SDCBP: variants seen among roughly 807,000 people sequenced by gnomAD.
SDCBP encodes the protein syntenin-1.
SDCBP carries 22 observed loss-of-function variants against 30.5 expected under a neutral mutation model. The ratio of observed to expected loss-of-function variants is 0.72; its 90% CI spans 0.52 to 1.03. SDCBP has a LOEUF of 1.03. SDCBP is among the 50% of genes least tolerant of loss of function. The pLI is 0.00. For synonymous variants in SDCBP, 103 were observed against 118.7 expected (o/e 0.87, Z 0.86); for missense variants, 304 against 369.9 (o/e 0.82, Z 1.46).
chr8:58,570,182 G>A (rs1427325908), intron 2 of SDCBP, among the ~76,000 whole-genome samples: 1 of 152,180 alleles, frequency 6.6e-6, no homozygotes, highest in Non-Finnish European at 1.5e-5. Context: ...TACTTCATAT[G>A]ATGTAGGCCA....
Position 58,575,958 on chromosome 8 carries a change from A to G in SDCBP, c.299A>G (p.Asp100Gly). Residue 100 changes from aspartate (D) to glycine (G), a missense_variant, in exon 5 of 9, where the codon GAT becomes GGT. Physicochemically the swap from Asp to Gly is moderately conservative, Grantham distance 94 (BLOSUM62 -1). Transcript: ENST00000260130. ...NYMVAPVTGNDVGIRRAEIKQ... is the reference protein window; with the variant it reads ...NYMVAPVTGNGVGIRRAEIKQ... ...ATGGTGGCTCCTGTAACTGGTAATG[A>G]TGTTGGAATTCGTAGAGCAGAAATT... 1 of 1,613,648 alleles carries G rather than the reference A, an allele frequency of 6.2e-7. No homozygotes were observed. The highest frequency in any genetic ancestry group is 8.5e-7 in the Non-Finnish European group (1 of 1,179,694).
Position 58,580,608 on chromosome 8 carries a change from G to C in SDCBP, c.842G>C (p.Arg281Pro), listed in dbSNP as rs568136446. The change falls in exon 8 of 9, where the codon CGG becomes CCG. Residue 281 changes from arginine (R) to proline (P), a missense_variant and splice_region_variant. Physicochemically the swap from Arg to Pro is moderately radical, Grantham distance 103 (BLOSUM62 -2). Transcript: ENST00000260130. ...TTTATCTTTGAACATATTATTAAGC[G>C]GTAAGTAAACAATTCCTCAACTTAA... ...PAFIFEHIIK[R>P]MAPSIMKSLM... The C allele has an allele frequency of 6.8e-7, 1 of 1,461,588 alleles. No homozygotes were observed. The highest frequency in any genetic ancestry group is 9.6e-7 in the Non-Finnish European group (1 of 1,041,872). The allele number at this position is 1,461,588 out of a possible 1,614,324, so 90.5% of individuals were successfully genotyped here. A position where few individuals can be genotyped will look rare whatever the true frequency, so the allele number is the denominator to read the frequency against.
At chr8:58,575,851 TCAAGGAGA>T (rs1563513699) in intron 4 of SDCBP, 41 bp from the exon 5 acceptor site, 1 of 1,463,514 alleles carries the variant, frequency 6.8e-7, no homozygotes, top group Non-Finnish European at 9.3e-7. Flanking sequence ...ATTGTTTTTT[TCAAGGAGA>T]GTGTTTCTAG....
chr8:58,562,373 G>A (rs926454764), intron 1 of SDCBP, among the ~76,000 whole-genome samples: 1 of 152,092 alleles, frequency 6.6e-6, no homozygotes, highest in Non-Finnish European at 1.5e-5. Context: ...AATTGATAGG[G>A]ATTTAGAATA....
intron 1 of SDCBP, among the ~76,000 whole-genome samples, chr8:58,557,227 G>A (rs1461027480): frequency 9.1e-5 from 11 of 120,906 alleles, no homozygotes; most frequent in Admixed American, 9.0e-5. Context: ...ATATATTCCA[G>A]GAAAATGATA....
intron 1 of SDCBP, chr8:58,561,789 A>G (rs1184520138): frequency 1.4e-6 from 1 of 691,184 alleles, no homozygotes; most frequent in East Asian, 2.7e-5. Flanking sequence ...ATATTATTGT[A>G]ATGGTGGTGA....
intron 2 of SDCBP, among the ~76,000 whole-genome samples, chr8:58,567,502 T>C (rs936321161): frequency 4.6e-5 from 7 of 152,228 alleles, no homozygotes; most frequent in African/African-American, 7.2e-5. Context: ...ATCTGGCTCA[T>C]TAATATCACC....
At chr8:58,572,594 T>C (rs28430654) in intron 4 of SDCBP, among the ~76,000 whole-genome samples, 1,611 of 152,238 alleles carry the variant, frequency 0.011, 28 homozygotes, top group African/African-American at 0.036. Context: ...TGATTCTGTT[T>C]CTGTTTCTTG....
In SDCBP at chr8:58,581,914, T is replaced by C; in HGVS notation, c.*174T>C. The C allele has an allele frequency of 1.7e-6, 1 of 586,244 alleles. No homozygotes were observed. The highest frequency in any genetic ancestry group is 2.1e-5 in the South Asian group (1 of 48,370). The allele number at this position is 586,244 out of a possible 1,614,324, so 36.3% of individuals were successfully genotyped here. A position where few individuals can be genotyped will look rare whatever the true frequency, so the allele number is the denominator to read the frequency against. On this transcript the variant is annotated 3_prime_UTR_variant, in exon 9 of 9. Coordinates refer to ENST00000260130, the MANE Select transcript of SDCBP (RefSeq NM_005625.4). ...CTTTCATCTGATACCTTGTTCAGAT[T>C]TCAAAATAGTTGTAGCCTTATCCTG...
At chr8:58,574,299 A>G (rs1248140766) in intron 4 of SDCBP, among the ~76,000 whole-genome samples, 2 of 152,222 alleles carry the variant, frequency 1.3e-5, no homozygotes, top group African/African-American at 4.8e-5. Context: ...CACTACCAAC[A>G]ATTCATACAT....
chr8:58,557,357 T>TA (rs889433669), intron 1 of SDCBP, among the ~76,000 whole-genome samples: 5 of 137,598 alleles, frequency 3.6e-5, no homozygotes, highest in Non-Finnish European at 6.1e-5. Flanking sequence ...AATATATAGA[T>TA]ATATAAAAAT....
intron 5 of SDCBP, 101 bp from the exon 6 acceptor site, chr8:58,577,932 G>A: frequency 1.2e-6 from 1 of 857,214 alleles, no homozygotes; most frequent in South Asian, 1.7e-5. Context: ...TTTGTCACTG[G>A]GGTAGAGTTT....
intron 4 of SDCBP, among the ~76,000 whole-genome samples, chr8:58,575,480 G>A: frequency 6.6e-6 from 1 of 152,174 alleles, no homozygotes; most frequent in Non-Finnish European, 1.5e-5. Flanking sequence ...AATCCTGTCA[G>A]TAACAGTGAG....
chr8:58,570,870 CTTCTT>C lies in SDCBP; in HGVS notation c.52-9_52-5del, dbSNP rs767920863. On this transcript the variant is annotated splice_polypyrimidine_tract_variant and intron_variant, in intron 2 of 8. Transcript: ENST00000260130. ...AAGTATAGCATATTGTTAGAATTTTCTTCTTTTCTTTTTCAGGCTCAAACTGCTTT... is the reference window on the plus strand; with the variant it reads ...AAGTATAGCATATTGTTAGAATTTTCTTCTTTTTCAGGCTCAAACTGCTTT... 6.3e-7 allele frequency: 1 copy of C among 1,597,250 alleles called. No individual in the cohort carries two copies. The highest frequency in any genetic ancestry group is 8.6e-7 in the Non-Finnish European group (1 of 1,165,744).
intron 4 of SDCBP, among the ~76,000 whole-genome samples, chr8:58,575,007 C>T (rs1036650006): frequency 6.6e-5 from 10 of 152,162 alleles, no homozygotes; most frequent in African/African-American, 2.4e-4. Context: ...CTTTGACCAA[C>T]ATTTTTCTCA....
In SDCBP at chr8:58,576,062, G is replaced by A. The variant is rs908136401; in HGVS notation, c.402+1G>A. ...ACTCAGGCTTAAATCAATAGATAAT[G>A]TAAGTATTTTAAATACCTATTTGAA... is the stretch of plus-strand genomic sequence containing the variant. On this transcript the variant is annotated splice_donor_variant, in intron 5 of 8. Coordinates refer to ENST00000260130, the MANE Select transcript of SDCBP (RefSeq NM_005625.4). LOFTEE classifies it high-confidence loss of function. 3 of 1,599,266 alleles carry A rather than the reference G, an allele frequency of 1.9e-6. No individual in the cohort carries two copies. Among genetic ancestry groups the A allele is most frequent in the Non-Finnish European group, 2.6e-6 (3 of 1,167,474 alleles).
At chr8:58,577,902 T>C (rs1805436911) in intron 5 of SDCBP, 131 bp from the exon 6 acceptor site, 4 of 706,234 alleles carry the variant, frequency 5.7e-6, no homozygotes, top group Non-Finnish European at 6.9e-6. Context: ...AGTTTTTCCT[T>C]TTTTTCTTTT....
intron 1 of SDCBP, among the ~76,000 whole-genome samples, chr8:58,553,716 C>G (rs1803945459): frequency 6.6e-6 from 1 of 152,260 alleles, no homozygotes; most frequent in South Asian, 2.1e-4. Context: ...GAAAGAGCCT[C>G]TGGCCACGGT....
chr8:58,563,174 C>T (rs974477672), intron 1 of SDCBP, among the ~76,000 whole-genome samples: 30 of 152,066 alleles, frequency 2.0e-4, no homozygotes, highest in Admixed American at 1.3e-4. Flanking sequence ...GCCAAAAGTG[C>T]AAATAACCCA....
Sources: gnomAD v4.1 joint callset for allele counts (sites outside exome capture counted in the v4.1 genomes callset) on GRCh38, gnomAD v4.1.1 for gene constraint, MANE v1.5 for transcripts, NCBI Gene and HGNC (gene_info 2026-07-23, HGNC 2026-07-21) for gene names.